The following STARD13 variants were observed in gnomAD, a reference collection of about 807,000 sequenced individuals.
The protein encoded by STARD13 is stAR-related lipid transfer protein 13.
A neutral mutation model predicts 106.4 loss-of-function variants in STARD13; 62 were observed. The observed-to-expected ratio is 0.58, with a 90% confidence interval of 0.48 to 0.72. The LOEUF (loss-of-function observed/expected upper bound fraction) is 0.72. STARD13 is among the 30% of genes least tolerant of loss of function. STARD13 has a pLI of 0.00. For missense variants in STARD13, 1,387 were observed against 1,424.0 expected (o/e 0.97, Z 0.42); for synonymous variants, 565 against 553.0 (o/e 1.02, Z -0.31).
the STARD13 span, among the ~76,000 whole-genome samples, chr13:33,477,141 G>T: frequency 2.6e-5 from 4 of 152,320 alleles, no homozygotes; most frequent in East Asian, 7.7e-4. Context: ...ATTCAAATGA[G>T]TTTAACAAAA....
At chr13:33,669,682 C>T in the STARD13 span, among the ~76,000 whole-genome samples, 8 of 151,712 alleles carry the variant, frequency 5.3e-5, no homozygotes, top group South Asian at 1.7e-3. Context: ...ATTACAGGCA[C>T]CTGCCACCGC....
At chr13:33,652,700 G>A in the STARD13 span, among the ~76,000 whole-genome samples, 17 of 152,212 alleles carry the variant, frequency 1.1e-4, no homozygotes, top group East Asian at 3.9e-4. Context: ...AACTACTTAG[G>A]AGAAAAAATG....
intron 1 of STARD13, among the ~76,000 whole-genome samples, chr13:33,210,638 A>T (rs1368496924): frequency 6.6e-6 from 1 of 152,258 alleles, no homozygotes; most frequent in East Asian, 1.9e-4. Flanking sequence ...TTACGACTAC[A>T]CTTAAAAGAT....
chr13:33,163,664 TATATAAC>T (rs1283420794), intron 3 of STARD13, among the ~76,000 whole-genome samples: 10 of 100,748 alleles, frequency 9.9e-5, no homozygotes, highest in African/African-American at 6.6e-4. Context: ...AAAACATATA[TATATAAC>T]ATATATATAA....
At chr13:33,530,624 C>A in the STARD13 span, among the ~76,000 whole-genome samples, 1 of 152,016 alleles carries the variant, frequency 6.6e-6, no homozygotes, top group African/African-American at 2.4e-5. Flanking sequence ...AAACAAGGAG[C>A]GAATTAAGAT....
chr13:33,612,881 C>T, the STARD13 span, among the ~76,000 whole-genome samples: 1 of 152,204 alleles, frequency 6.6e-6, no homozygotes, highest in Non-Finnish European at 1.5e-5. Flanking sequence ...ATGTGGCCCC[C>T]CAGATAATCT....
rs770361041 is a variant in STARD13 at position 33,129,625 on chromosome 13, C to T, written c.1052G>A (p.Arg351His). 6.8e-6 allele frequency: 11 copies of T among 1,613,850 alleles called. No homozygotes were observed. The highest frequency in any genetic ancestry group is 1.3e-5 in the African/African-American group (1 of 74,924). The change falls in exon 5 of 14, where the codon CGC becomes CAC. Residue 351 changes from arginine (R) to histidine (H), a missense_variant. By Grantham distance (29) the Arg-to-His change is conservative (BLOSUM62 0). Transcript: ENST00000336934. ...GCGCTTGTTGGCCTCGTGGCACTTG[C>T]GTTCCTTCAGGCAGGGCGTGCTCAC... Reference protein sequence around the residue: ...SGVSTPCLKERKCHEANKRGG... With the variant: ...SGVSTPCLKEHKCHEANKRGG...
At chr13:33,374,342 T>C in the STARD13 span, among the ~76,000 whole-genome samples, 2 of 152,146 alleles carry the variant, frequency 1.3e-5, no homozygotes, top group Non-Finnish European at 2.9e-5. Flanking sequence ...GAAAAAGTTC[T>C]GGAGATGGAT....
the STARD13 span, among the ~76,000 whole-genome samples, chr13:33,575,747 G>A: frequency 6.6e-6 from 1 of 152,096 alleles, no homozygotes. Context: ...CCACACAAAA[G>A]CCCTCAAGAT....
chr13:33,251,824 C>G (rs1465691604), intron 1 of STARD13, among the ~76,000 whole-genome samples: 2 of 152,230 alleles, frequency 1.3e-5, no homozygotes, highest in Admixed American at 6.5e-5. Context: ...GATTTACCAC[C>G]CTATTTAGCT....
chr13:33,662,228 C>A, the STARD13 span, among the ~76,000 whole-genome samples: 1 of 150,082 alleles, frequency 6.7e-6, no homozygotes, highest in Non-Finnish European at 1.5e-5. Flanking sequence ...TGCCACTGTA[C>A]TACAGCCTGG....
At chr13:33,399,151 A>T in the STARD13 span, among the ~76,000 whole-genome samples, 138 of 152,338 alleles carry the variant, frequency 9.1e-4, 1 homozygote, top group Admixed American at 8.9e-3. Flanking sequence ...AGTATTATTC[A>T]GGCATAAAAA....
chr13:33,478,109 C>T, the STARD13 span, among the ~76,000 whole-genome samples: 1 of 152,202 alleles, frequency 6.6e-6, no homozygotes, highest in East Asian at 1.9e-4. Context: ...CATGTAACTA[C>T]ATTCCTTTTT....
intron 7 of STARD13, among the ~76,000 whole-genome samples, chr13:33,124,528 G>T (rs529151439): frequency 6.6e-6 from 1 of 152,296 alleles, no homozygotes; most frequent in African/African-American, 2.4e-5. Flanking sequence ...ACACAGGGGT[G>T]GAAGAGGTTT....
chr13:33,663,580 G>A, the STARD13 span, among the ~76,000 whole-genome samples: 1 of 152,174 alleles, frequency 6.6e-6, no homozygotes, highest in African/African-American at 2.4e-5. Flanking sequence ...GATCAATTAT[G>A]TTAAAATAGT....
At chr13:33,584,317 C>G in the STARD13 span, among the ~76,000 whole-genome samples, 1 of 152,060 alleles carries the variant, frequency 6.6e-6, no homozygotes, top group African/African-American at 2.4e-5. Flanking sequence ...CTGGGGAGGC[C>G]TCAGGAAATT....
intron 1 of STARD13, among the ~76,000 whole-genome samples, chr13:33,209,891 T>C (rs183869868): frequency 1.9e-4 from 29 of 152,248 alleles, no homozygotes; most frequent in Non-Finnish European, 3.2e-4. Flanking sequence ...GAGGATCACT[T>C]GAGCCTAGGA....
At chr13:33,573,604 T>C in the STARD13 span, among the ~76,000 whole-genome samples, 1 of 152,194 alleles carries the variant, frequency 6.6e-6, no homozygotes, top group African/African-American at 2.4e-5. Context: ...TCAGACTATA[T>C]TATGGTGACA....
intron 1 of STARD13, among the ~76,000 whole-genome samples, chr13:33,306,596 T>C (rs1892913538): frequency 1.3e-5 from 2 of 152,080 alleles, no homozygotes; most frequent in Non-Finnish European, 1.5e-5. Flanking sequence ...AGGTCTAATA[T>C]CCAGAATCTA....
Sources: gnomAD v4.1 joint callset for allele counts (sites outside exome capture counted in the v4.1 genomes callset) on GRCh38, gnomAD v4.1.1 for gene constraint, MANE v1.5 for transcripts, NCBI Gene and HGNC (gene_info 2026-07-23, HGNC 2026-07-21) for gene names.